Variants in GNG7 observed in about 807,000 individuals in gnomAD.
The protein encoded by GNG7 is G protein subunit gamma 7, also known as guanine nucleotide-binding protein G(I)/G(S)/G(O) subunit gamma-7.
In GNG7, 1 loss-of-function variant was observed where a neutral mutation model predicts 4.0. The observed-to-expected ratio is 0.25, with a 90% CI of 0.09 to 1.18. GNG7 has a LOEUF of 1.18. GNG7 is among the 50% of genes most tolerant of loss of function. The pLI is 0.50. For missense variants in GNG7, 86 were observed against 91.9 expected, an observed-to-expected ratio of 0.94 and a Z score of 0.26; for synonymous variants, 34 against 36.9, an observed-to-expected ratio of 0.92 and a Z score of 0.29.
At chr19:2,661,261 GAAAGAAAGA>G (rs1568277623) in intron 1 of GNG7, among the ~76,000 whole-genome samples, 1 of 71,386 alleles carries the variant, frequency 1.4e-5, no homozygotes, top group East Asian at 4.2e-4. Flanking sequence ...AAGAAAGAAA[GAAAGAAAGA>G]AAAGAAAGAA....
chr19:2,637,711 T>G (rs1007287004), intron 2 of GNG7, among the ~76,000 whole-genome samples: 14 of 152,252 alleles, frequency 9.2e-5, no homozygotes, highest in African/African-American at 2.9e-4. Flanking sequence ...CTGATGATTC[T>G]CTGGGGTGGG....
intron 2 of GNG7, among the ~76,000 whole-genome samples, chr19:2,581,508 G>A (rs1007196136): frequency 1.3e-5 from 2 of 152,112 alleles, no homozygotes; most frequent in African/African-American, 2.4e-5. Flanking sequence ...CTGGTCCCTG[G>A]TGTTGTTTAC....
intron 2 of GNG7, among the ~76,000 whole-genome samples, chr19:2,566,436 C>T (rs1389464133): frequency 6.6e-6 from 1 of 152,164 alleles, no homozygotes; most frequent in African/African-American, 2.4e-5. Context: ...AGAGAATGAA[C>T]CCGTGGTGTC....
At chr19:2,567,577 C>A (rs1247756089) in intron 2 of GNG7, among the ~76,000 whole-genome samples, 3 of 152,112 alleles carry the variant, frequency 2.0e-5, no homozygotes, top group Non-Finnish European at 4.4e-5. Flanking sequence ...CGTCCCACCT[C>A]GGCCTCCCAA....
chr19:2,540,459 A>G (rs1042978863), intron 3 of GNG7, among the ~76,000 whole-genome samples: 1 of 152,080 alleles, frequency 6.6e-6, no homozygotes, highest in Admixed American at 6.6e-5. Flanking sequence ...CCTGTGCTCT[A>G]AGACTGATTC....
At chr19:2,552,542 G>A (rs1027665190) in intron 3 of GNG7, among the ~76,000 whole-genome samples, 3 of 151,752 alleles carry the variant, frequency 2.0e-5, no homozygotes, top group African/African-American at 4.8e-5. Flanking sequence ...CCACCACCAC[G>A]CCTGGCTAAT....
chr19:2,512,674 G>T lies in GNG7; in HGVS notation c.*2348C>A. 1 of 164,324 alleles carries T rather than the reference G, an allele frequency of 6.1e-6. No homozygotes were observed. Among genetic ancestry groups the T allele is most frequent in the Non-Finnish European group, 1.3e-5 (1 of 79,016 alleles). 10.2% of individuals were successfully genotyped at this position (164,324 alleles called of 1,614,324 possible). A position where few individuals can be genotyped will look rare whatever the true frequency, so the allele number is the denominator to read the frequency against. ...TCACATTGTGAGGACACACCAGTGG[G>T]GCCGGGCTTGGCACAGCTGTGCCCC... On this transcript the variant is annotated 3_prime_UTR_variant, in exon 5 of 5. Coordinates refer to ENST00000382159, the MANE Select transcript of GNG7 (RefSeq NM_052847.3). This position sits in a 1 kb window ranked among gnomAD's most constrained non-coding sequence, Gnocchi z 4.7.
intron 2 of GNG7, among the ~76,000 whole-genome samples, chr19:2,576,351 C>A (rs138156671): frequency 2.6e-5 from 4 of 152,172 alleles, no homozygotes; most frequent in African/African-American, 9.7e-5. Flanking sequence ...GCTGGGAATC[C>A]GCCCTGGGTG....
chr19:2,656,573 C>G (rs1435851767), intron 1 of GNG7, among the ~76,000 whole-genome samples: 1 of 152,120 alleles, frequency 6.6e-6, no homozygotes, highest in Admixed American at 6.6e-5. Context: ...GCACTCCAGC[C>G]TGAGTGACAG....
At chr19:2,536,825 T>C (rs1478361828) in intron 3 of GNG7, among the ~76,000 whole-genome samples, 3 of 152,180 alleles carry the variant, frequency 2.0e-5, no homozygotes, top group Non-Finnish European at 4.4e-5. Context: ...CCCTGGGTTC[T>C]CGGGAGGGGC....
At chr19:2,700,216 A>G (rs951904329) in intron 1 of GNG7, among the ~76,000 whole-genome samples, 4 of 149,326 alleles carry the variant, frequency 2.7e-5, no homozygotes, top group African/African-American at 7.4e-5. Flanking sequence ...ATCTTGGCTC[A>G]CTGCAACCTC....
In GNG7 at chr19:2,511,745, G is replaced by A. The variant is rs567138152; in HGVS notation, c.*3277C>T. On this transcript the variant is annotated 3_prime_UTR_variant, in exon 5 of 5. Transcript: ENST00000382159. This position sits in a 1 kb window ranked among gnomAD's most constrained non-coding sequence, Gnocchi z 6.3. The stretch of plus-strand genomic sequence containing the variant: ...CCGTCAAAGGGACCACGCAGAAGGA[G>A]GGAAACAGGAGCACCTTCCGCCCTG... 2.1e-6 allele frequency: 2 copies of A among 945,476 alleles called. No homozygotes were observed. The highest frequency in any genetic ancestry group is 6.2e-5 in the Admixed American group (1 of 16,250). 58.6% of individuals were successfully genotyped at this position (945,476 alleles called of 1,614,324 possible). A position where few individuals can be genotyped will look rare whatever the true frequency, so the allele number is the denominator to read the frequency against.
In GNG7 at chr19:2,513,780, C is replaced by T. The variant is rs778983570; in HGVS notation, c.*1242G>A. The T allele has an allele frequency of 1.4e-4, 22 of 154,986 alleles. No individual in the cohort carries two copies. The highest frequency in any genetic ancestry group is 2.1e-4 in the Non-Finnish European group (15 of 70,632). The allele number at this position is 154,986 out of a possible 1,614,324, so 9.6% of individuals were successfully genotyped here. Reference sequence around the variant, plus strand: ...CACAGCAGCACAGGGTAGCCCCACCCGCCCTGCCGCGGCTCCCCAGCCTGC... The same window carrying T: ...CACAGCAGCACAGGGTAGCCCCACCTGCCCTGCCGCGGCTCCCCAGCCTGC... On this transcript the variant is annotated 3_prime_UTR_variant, in exon 5 of 5. Transcript: ENST00000382159.
chr19:2,662,259 CAAA>C (rs5826780), intron 1 of GNG7, among the ~76,000 whole-genome samples: 5 of 73,622 alleles, frequency 6.8e-5, no homozygotes, highest in Admixed American at 5.0e-4. Context: ...GACTCCATCT[CAAA>C]AAAAAAAAAA....
At chr19:2,599,931 C>T (rs1981148940) in intron 2 of GNG7, among the ~76,000 whole-genome samples, 1 of 146,392 alleles carries the variant, frequency 6.8e-6, no homozygotes, top group Admixed American at 6.8e-5. Flanking sequence ...AGCAAGACTC[C>T]ATCTCAAAAA....
chr19:2,514,920 G>C lies in GNG7; in HGVS notation c.*102C>G, dbSNP rs962177915. 9 of 957,032 alleles carry C rather than the reference G, an allele frequency of 9.4e-6. No homozygotes were observed. Among genetic ancestry groups the C allele is most frequent in the Non-Finnish European group, 1.4e-5 (9 of 628,584 alleles). 59.3% of individuals were successfully genotyped at this position (957,032 alleles called of 1,614,324 possible). On this transcript the variant is annotated 3_prime_UTR_variant, in exon 5 of 5. Coordinates refer to ENST00000382159, the MANE Select transcript of GNG7 (RefSeq NM_052847.3). ...AGGTTTTGGGGACTTGAGATGTTTT[G>C]TTTGAGCTAATTACTGAATGATGCC...
intron 2 of GNG7, among the ~76,000 whole-genome samples, chr19:2,570,936 T>C (rs1233887090): frequency 6.6e-6 from 1 of 151,498 alleles, no homozygotes; most frequent in East Asian, 1.9e-4. Flanking sequence ...TAGCTGGGAT[T>C]ACATGTGCAC....
At chr19:2,606,667 A>G (rs1981393954) in intron 2 of GNG7, among the ~76,000 whole-genome samples, 1 of 90,604 alleles carries the variant, frequency 1.1e-5, no homozygotes. Context: ...AAAAAAAATA[A>G]TTAATTAATT....
At chr19:2,667,481 G>A (rs1319987528) in intron 1 of GNG7, among the ~76,000 whole-genome samples, 3 of 151,822 alleles carry the variant, frequency 2.0e-5, no homozygotes, top group Admixed American at 6.6e-5. Flanking sequence ...AAGGGCATTC[G>A]GAATATCTCA....
Sources: allele counts gnomAD v4.1 joint callset (sites outside exome capture counted in the v4.1 genomes callset), GRCh38; gene constraint gnomAD v4.1.1; non-coding constraint Gnocchi (gnomAD v3.1); transcripts MANE v1.5; gene names NCBI Gene and HGNC (gene_info 2026-07-23, HGNC 2026-07-21).